Variants in REXO2 observed in about 807,000 individuals in gnomAD.
The protein encoded by REXO2 is oligoribonuclease, mitochondrial.
REXO2 carries 17 observed loss-of-function variants against 30.9 expected under a neutral mutation model. The ratio of observed to expected loss-of-function variants is 0.55; its 90% CI spans 0.38 to 0.82. REXO2 has a LOEUF of 0.82. Ranked by LOEUF, REXO2 falls within the 40% of genes least tolerant of loss-of-function variation. The pLI is 0.00. For missense variants in REXO2, 253 were observed against 293.2 expected (o/e 0.86, Z 1.00); for synonymous variants, 105 against 99.6 (o/e 1.05, Z -0.32).
chr11:114,441,940 G>C, intron 2 of REXO2: 1 of 587,828 alleles, frequency 1.7e-6, no homozygotes, highest in Non-Finnish European at 3.0e-6. Flanking sequence ...ATTTATTGGA[G>C]ATCAATAGTG....
chr11:114,448,708 A>T (rs1380666434), intron 6 of REXO2, among the ~76,000 whole-genome samples: 2 of 152,260 alleles, frequency 1.3e-5, no homozygotes, highest in Non-Finnish European at 2.9e-5. Flanking sequence ...GAAGCAGCCC[A>T]TAATAAAACA....
rs1022369613 is a variant in REXO2 at position 114,439,884 on chromosome 11, A to G, written c.147+209A>G. The stretch of plus-strand genomic sequence containing the variant: ...GCTGCGCTGTAGGGCTTCTTTCCAC[A>G]AGGGAGGAGTCCTCCGTGTGGCTTC... On this transcript the variant is annotated intron_variant, in intron 1 of 6. Coordinates refer to ENST00000265881, the MANE Select transcript of REXO2 (RefSeq NM_015523.4). 1.3e-5 allele frequency: 8 copies of G among 599,904 alleles called. No homozygotes were observed. The South Asian group carries it at 1.5e-4, about 11-fold the overall frequency. 37.2% of individuals were successfully genotyped at this position (599,904 alleles called of 1,614,324 possible).
At chr11:114,439,913 T>C in intron 1 of REXO2, 2 of 572,370 alleles carry the variant, frequency 3.5e-6, no homozygotes, top group East Asian at 6.0e-5. Flanking sequence ...TGGCTTCTTC[T>C]CCTCCCTACC....
At chr11:114,447,503 T>G (rs1441941959) in intron 5 of REXO2, among the ~76,000 whole-genome samples, 2 of 151,870 alleles carry the variant, frequency 1.3e-5, no homozygotes, top group African/African-American at 2.4e-5. Context: ...GGTGGGTGTG[T>G]TTTGATGTAT....
chr11:114,446,978 G>A lies in REXO2; in HGVS notation c.531-848G>A, dbSNP rs1414363487. 3.0e-5 allele frequency among the ~76,000 whole-genome samples: 4 copies of A among 132,318 alleles called. No homozygotes were observed. The East Asian group carries it at 6.5e-4, about 22-fold the overall frequency. The allele number at this position is 132,318 out of a possible 152,430, so 86.8% of individuals were successfully genotyped here. A position where few individuals can be genotyped will look rare whatever the true frequency, so the allele number is the denominator to read the frequency against. On this transcript the variant is annotated intron_variant, in intron 5 of 6. Transcript: ENST00000265881. ...TTTTGAGACGGAGTCTCGTTCTGTC[G>A]CCCAGGCGGGAGTGCTGTGGCGCGA...
intron 2 of REXO2, among the ~76,000 whole-genome samples, chr11:114,443,375 C>T (rs757248128): frequency 3.3e-5 from 5 of 151,870 alleles, no homozygotes; most frequent in Non-Finnish European, 5.9e-5. Context: ...ACCTCGGCCT[C>T]CCAGAGTGCT....
chr11:114,440,058 C>T (rs1464482249), intron 1 of REXO2: 1 of 481,370 alleles, frequency 2.1e-6, no homozygotes, highest in Non-Finnish European at 4.1e-6. Context: ...TTGTTAGGGC[C>T]AGACGGGACT....
chr11:114,444,446 T>G, intron 3 of REXO2, 95 bp from the exon 4 acceptor site: 1 of 840,762 alleles, frequency 1.2e-6, no homozygotes, highest in Non-Finnish European at 2.0e-6. Flanking sequence ...GTGGTTATAT[T>G]TGCCCATTTT....
In REXO2 at chr11:114,449,861, T is replaced by G. The variant is rs75726739; in HGVS notation, c.600T>G (p.Ile200Met). ...TTGCTTATAGGGCACTTGATGACAT[T>G]AGTGAAAGCATCAAAGAGCTTCAGT... The part of the protein sequence containing the change: ...KAASHRALDD[I>M]SESIKELQFY... Residue 200 changes from isoleucine to methionine, a missense_variant, in exon 7 of 7, where the codon ATT becomes ATG. By Grantham distance (10) the Ile-to-Met change is conservative (BLOSUM62 1). Transcript: ENST00000265881. The G allele has an allele frequency of 4.3e-6, 7 of 1,609,916 alleles. No homozygotes were observed. The East Asian group carries it at 1.6e-4, about 36-fold the overall frequency.
In REXO2 at chr11:114,439,492, GC is replaced by G; in HGVS notation, c.-36del. 6.3e-7 allele frequency: 1 copy of G among 1,597,108 alleles called. No homozygotes were observed. The highest frequency in any genetic ancestry group is 8.5e-7 in the Non-Finnish European group (1 of 1,177,626). ...GACTATTGCGCCTGCGCCAGCGCCGGCTGCGAGACTGGGGCCGTGGCTGCTG... is the reference window on the plus strand; with the variant it reads ...GACTATTGCGCCTGCGCCAGCGCCGGTGCGAGACTGGGGCCGTGGCTGCTG... On this transcript the variant is annotated 5_prime_UTR_variant, in exon 1 of 7. Coordinates refer to ENST00000265881, the MANE Select transcript of REXO2 (RefSeq NM_015523.4).
At chr11:114,447,435 TAAA>T (rs1308980221) in intron 5 of REXO2, among the ~76,000 whole-genome samples, 1 of 152,050 alleles carries the variant, frequency 6.6e-6, no homozygotes, top group East Asian at 1.9e-4. Flanking sequence ...AGTGTTCAAA[TAAA>T]AAGGAGAAGA....
chr11:114,449,420 T>C (rs1176678631), intron 6 of REXO2, among the ~76,000 whole-genome samples: 2 of 127,004 alleles, frequency 1.6e-5, no homozygotes, highest in African/African-American at 3.5e-5. Flanking sequence ...TACTAAAATT[T>C]ATTAATTTTA....
chr11:114,445,948 T>C (rs772412780), intron 4 of REXO2, 31 bp from the exon 5 acceptor site: 8 of 1,101,908 alleles, frequency 7.3e-6, no homozygotes, highest in African/African-American at 1.5e-5. Context: ...ACTAGAAATA[T>C]AGAGATGCAG....
rs1946506646 is a variant in REXO2, at chr11:114,445,769, T to A, written c.422-210T>A. The A allele has an allele frequency of 1.1e-5, 5 of 464,672 alleles. No homozygotes were observed. In the South Asian group the frequency reaches 1.5e-4, roughly 14 times the overall value. 28.8% of individuals were successfully genotyped at this position (464,672 alleles called of 1,614,324 possible). A position where few individuals can be genotyped will look rare whatever the true frequency, so the allele number is the denominator to read the frequency against. On this transcript the variant is annotated intron_variant, in intron 4 of 6. Transcript: ENST00000265881. ...GTTCATGAGAGGTCATTTACAAATTTATAAGGAGCTAAACTGACTAAGTAC... is the reference window on the plus strand; with the variant it reads ...GTTCATGAGAGGTCATTTACAAATTAATAAGGAGCTAAACTGACTAAGTAC...
rs754763244 is a variant in REXO2, at chr11:114,444,534, C to T, written c.310-7C>T. On this transcript the variant is annotated splice_polypyrimidine_tract_variant and splice_region_variant and intron_variant, in intron 3 of 6. Transcript: ENST00000265881. The stretch of plus-strand genomic sequence containing the variant: ...TTTGGTGGGGGGCTGGGGATTCTCT[C>T]TTGCAGTCTGGCCTTACCAAGGCAG... The T allele has an allele frequency of 1.3e-6, 2 of 1,597,744 alleles. No homozygotes were observed. The highest frequency in any genetic ancestry group is 4.5e-5 in the East Asian group (2 of 44,812).
intron 4 of REXO2, chr11:114,445,163 T>C (rs1946503973): frequency 6.6e-6 from 1 of 152,196 alleles, no homozygotes; most frequent in Admixed American, 6.5e-5. Flanking sequence ...AAAATATTTG[T>C]TTTTGAACCA....
intron 4 of REXO2, 22 bp from the exon 5 acceptor site, chr11:114,445,957 A>T: frequency 8.5e-7 from 1 of 1,183,208 alleles, no homozygotes; most frequent in East Asian, 2.3e-5. Flanking sequence ...ATAGAGATGC[A>T]GTATGCTTCG....
chr11:114,442,680 A>G (rs757392257), intron 2 of REXO2, among the ~76,000 whole-genome samples: 1 of 152,274 alleles, frequency 6.6e-6, no homozygotes, highest in South Asian at 2.1e-4. Flanking sequence ...TTATCCTGTT[A>G]ACATTTCTAT....
chr11:114,440,559 GCTGA>G (rs1276540630), intron 1 of REXO2, 93 bp from the exon 2 acceptor site: 19 of 896,728 alleles, frequency 2.1e-5, no homozygotes, highest in Admixed American at 6.1e-5. Context: ...TGGATTACAA[GCTGA>G]CTATGTTTGA....
Sources: gnomAD v4.1 joint callset for allele counts (sites outside exome capture counted in the v4.1 genomes callset) on GRCh38, gnomAD v4.1.1 for gene constraint, MANE v1.5 for transcripts, NCBI Gene and HGNC (gene_info 2026-07-23, HGNC 2026-07-21) for gene names.